Variants in NEK6 observed in about 807,000 individuals in gnomAD.
NEK6 encodes the protein serine/threonine-protein kinase Nek6.
Under a neutral mutation model 43.5 loss-of-function variants are expected in NEK6, and 27 were observed. The ratio of observed to expected loss-of-function variants is 0.62; its 90% CI spans 0.46 to 0.86. The LOEUF is 0.86. Among genes scored for constraint, NEK6 ranks in the 40% least tolerant of loss-of-function variants. The pLI, the probability that NEK6 is intolerant of heterozygous loss-of-function variation, is 0.00. For missense variants in NEK6, 318 were observed against 414.4 expected (o/e 0.77, Z 2.02); for synonymous variants, 167 against 164.1 (o/e 1.02, Z -0.14).
chr9:124,305,071 T>G (rs1833183906), intron 2 of NEK6, among the ~76,000 whole-genome samples: 1 of 152,222 alleles, frequency 6.6e-6, no homozygotes. Flanking sequence ...ATCTGGAAAG[T>G]CTTTGCAAAG....
intron 8 of NEK6, among the ~76,000 whole-genome samples, chr9:124,340,716 G>C (rs1288023163): frequency 1.3e-5 from 2 of 152,240 alleles, no homozygotes; most frequent in Non-Finnish European, 2.9e-5. Flanking sequence ...TTCAGTCTCA[G>C]CTGCTGTGGC....
Position 124,353,262 on chromosome 9 carries a change from G to A in NEK6, c.*2315G>A, listed in dbSNP as rs534874618. The stretch of plus-strand genomic sequence containing the variant: ...TCAGCCAGCAAAAAGGGTAGGTATC[G>A]ATGGTCACCTGAAGCCTCAAGGGAG... On this transcript the variant is annotated 3_prime_UTR_variant, in exon 10 of 10. Coordinates refer to ENST00000320246, the MANE Select transcript of NEK6 (RefSeq NM_014397.6). 18 of 280,120 alleles carry A rather than the reference G, an allele frequency of 6.4e-5. No homozygotes were observed. Among genetic ancestry groups the A allele is most frequent in the Admixed American group, 6.1e-4 (12 of 19,714 alleles). 17.4% of individuals were successfully genotyped at this position (280,120 alleles called of 1,614,324 possible). A position where few individuals can be genotyped will look rare whatever the true frequency, so the allele number is the denominator to read the frequency against.
chr9:124,275,379 A>T lies in NEK6; in HGVS notation c.-30+17294A>T, dbSNP rs1361811194. On this transcript the variant is annotated intron_variant, in intron 1 of 9. Coordinates refer to ENST00000320246, the MANE Select transcript of NEK6 (RefSeq NM_014397.6). The surrounding 1 kb of genome is among the most constrained non-coding windows in gnomAD (Gnocchi z 4.4). ...TCACTCCCAGCACTGTGGAGGGGTG[A>T]CCTGGTTGATGACGGTCATGGAGCC... Among the ~76,000 whole-genome samples, 1 of 152,084 alleles carries T rather than the reference A, an allele frequency of 6.6e-6. No individual in the cohort carries two copies. The highest frequency in any genetic ancestry group is 1.5e-5 in the Non-Finnish European group (1 of 68,016).
intron 1 of NEK6, chr9:124,261,280 A>G (rs1356942498): frequency 1.0e-5 from 5 of 491,864 alleles, no homozygotes; most frequent in Non-Finnish European, 1.3e-5. Flanking sequence ...GCTGCTGTTC[A>G]CATTTTTTCT....
At chr9:124,295,535 A>ACTTGGTTT (rs1452483384) in intron 1 of NEK6, among the ~76,000 whole-genome samples, 1 of 152,222 alleles carries the variant, frequency 6.6e-6, no homozygotes, top group Non-Finnish European at 1.5e-5. Context: ...ACCAAGGCAG[A>ACTTGGTTT]CTTGGTTTCG....
chr9:124,333,993 G>T (rs1210589003), intron 7 of NEK6, among the ~76,000 whole-genome samples: 1 of 151,800 alleles, frequency 6.6e-6, no homozygotes, highest in East Asian at 1.9e-4. Context: ...TAGCCAGGAT[G>T]GTCTCGATCT....
intron 1 of NEK6, among the ~76,000 whole-genome samples, chr9:124,269,221 C>T (rs1166246277): frequency 6.6e-6 from 1 of 152,180 alleles, no homozygotes; most frequent in Admixed American, 6.5e-5. Flanking sequence ...CCACCCCAGA[C>T]CCCACAGCTA....
At chr9:124,339,495 C>T (rs963084925) in intron 7 of NEK6, 76 bp from the exon 8 acceptor site, 2 of 1,015,380 alleles carry the variant, frequency 2.0e-6, no homozygotes, top group African/African-American at 3.1e-5. Flanking sequence ...CGTGTGCCCT[C>T]CCTCCAACCT....
rs566640352 is a variant in NEK6 at position 124,344,574 on chromosome 9, A to G, written c.718-3135A>G. 3.2e-4 allele frequency among the ~76,000 whole-genome samples: 48 copies of G among 152,310 alleles called. 1 individual carries two copies. The South Asian group carries it at 8.5e-3, about 27-fold the overall frequency. ...GAGCCCCCGGTGGGAGCTGGGAGCA[A>G]CAATGCCCGAGCTTGGGATATCGGA... On this transcript the variant is annotated intron_variant, in intron 8 of 9. Transcript: ENST00000320246.
chr9:124,311,664 A>C (rs1268425175), intron 2 of NEK6, among the ~76,000 whole-genome samples: 2 of 152,162 alleles, frequency 1.3e-5, no homozygotes, highest in African/African-American at 2.4e-5. Flanking sequence ...AAGGCAGTTT[A>C]TCTAAAGGAT....
intron 4 of NEK6, 80 bp from the exon 5 acceptor site, chr9:124,321,379 C>G: frequency 1.2e-6 from 1 of 854,374 alleles, no homozygotes; most frequent in Middle Eastern, 2.2e-4. Flanking sequence ...CGGGTGCCAG[C>G]AGGGTGCCGG....
intron 1 of NEK6, chr9:124,292,098 C>T (rs929230407): frequency 2.8e-6 from 3 of 1,060,228 alleles, no homozygotes; most frequent in Non-Finnish European, 3.4e-6. Context: ...GGTACCCTGA[C>T]TTTCTCTGCC....
intron 1 of NEK6, among the ~76,000 whole-genome samples, chr9:124,274,821 A>G (rs1409626106): frequency 6.6e-6 from 1 of 152,136 alleles, no homozygotes; most frequent in African/African-American, 2.4e-5. Context: ...CTGCATGTCC[A>G]TTTGTAGCAA....
At chr9:124,308,923 G>A (rs538304097) in intron 2 of NEK6, among the ~76,000 whole-genome samples, 4 of 152,388 alleles carry the variant, frequency 2.6e-5, no homozygotes, top group East Asian at 3.9e-4. Flanking sequence ...TGGAACTTGC[G>A]GGGAGCTGAC....
intron 4 of NEK6, among the ~76,000 whole-genome samples, chr9:124,319,547 G>A (rs1333222729): frequency 6.6e-6 from 1 of 152,162 alleles, no homozygotes; most frequent in Non-Finnish European, 1.5e-5. Flanking sequence ...GCTGAGAAAG[G>A]TATTTCCTAG....
chr9:124,315,290 C>T (rs924120214), intron 4 of NEK6, among the ~76,000 whole-genome samples: 11 of 152,174 alleles, frequency 7.2e-5, no homozygotes, highest in African/African-American at 1.4e-4. Flanking sequence ...TTCCAGGCAC[C>T]GCAGCACCGT....
chr9:124,332,341 G>A (rs892682217), intron 7 of NEK6, among the ~76,000 whole-genome samples: 2 of 152,228 alleles, frequency 1.3e-5, no homozygotes, highest in African/African-American at 4.8e-5. Context: ...TTCCAGAGAG[G>A]GAAACCAAGT....
chr9:124,289,135 C>A (rs969462616), intron 1 of NEK6, among the ~76,000 whole-genome samples: 2 of 149,844 alleles, frequency 1.3e-5, no homozygotes, highest in Non-Finnish European at 3.0e-5. Context: ...TGTGAGCCAC[C>A]ACGCCTGACC....
At chr9:124,258,702 A>G (rs1830906650) in intron 1 of NEK6, among the ~76,000 whole-genome samples, 1 of 152,148 alleles carries the variant, frequency 6.6e-6, no homozygotes, top group Admixed American at 6.5e-5. Context: ...GCGGCCTGGC[A>G]TGGGCTGGGG....
Sources: allele counts gnomAD v4.1 joint callset (sites outside exome capture counted in the v4.1 genomes callset), GRCh38; gene constraint gnomAD v4.1.1; non-coding constraint Gnocchi (gnomAD v3.1); transcripts MANE v1.5; gene names NCBI Gene and HGNC (gene_info 2026-07-23, HGNC 2026-07-21).